Variants in RNFT2 observed in about 807,000 individuals in gnomAD.
RNFT2 encodes ring finger protein, transmembrane 2, also known as E3 ubiquitin-protein ligase RNFT2.
RNFT2 carries 36 observed loss-of-function variants against 53.0 expected under a neutral mutation model. That is an observed-to-expected ratio of 0.68 (90% confidence interval 0.52 to 0.90). The LOEUF is 0.90. RNFT2 is among the 40% of genes least tolerant of loss of function. RNFT2 has a pLI of 0.00. For missense variants in RNFT2, 514 were observed against 585.6 expected (o/e 0.88, Z 1.26); for synonymous variants, 260 against 253.2 (o/e 1.03, Z -0.26).
At chr12:116,740,604 T>C in intron 2 of RNFT2, 83 bp downstream of exon 2, 1 of 1,235,346 alleles carries the variant, frequency 8.1e-7, no homozygotes, top group Non-Finnish European at 1.2e-6. Flanking sequence ...GTTTGACCAC[T>C]CCACCCCTCC....
At chr12:116,803,022 G>C (rs1011925457) in intron 7 of RNFT2, among the ~76,000 whole-genome samples, 5 of 152,110 alleles carry the variant, frequency 3.3e-5, no homozygotes, top group Admixed American at 1.3e-4. Flanking sequence ...TTGAGCCTGG[G>C]AGGCAGAGGA....
chr12:116,748,216 G>T (rs1872004407), intron 3 of RNFT2, among the ~76,000 whole-genome samples: 3 of 151,940 alleles, frequency 2.0e-5, no homozygotes, highest in African/African-American at 4.8e-5. Flanking sequence ...AAGAAAAGAG[G>T]ATGAACCCGA....
chr12:116,788,686 G>A (rs547719822), intron 7 of RNFT2, among the ~76,000 whole-genome samples: 6 of 152,258 alleles, frequency 3.9e-5, no homozygotes, highest in African/African-American at 1.2e-4. Context: ...TATCTGCTGT[G>A]TATCCAGAAG....
Position 116,852,821 on chromosome 12 carries a change from C to T in RNFT2, c.*3373C>T, listed in dbSNP as rs968985245. On this transcript the variant is annotated 3_prime_UTR_variant, in exon 11 of 11. Transcript: ENST00000257575. ...TGTAGCCATCTCCAGGGTGACGGAA[C>T]CCAGTGTATTACCTGCTGGAACCAA... 2.8e-5 allele frequency: 30 copies of T among 1,065,338 alleles called. No homozygotes were observed. The highest frequency in any genetic ancestry group is 4.2e-5 in the Non-Finnish European group (29 of 694,012). The allele number at this position is 1,065,338 out of a possible 1,614,324, so 66.0% of individuals were successfully genotyped here.
At chr12:116,838,881 T>C (rs1877110132) in intron 10 of RNFT2, among the ~76,000 whole-genome samples, 1 of 152,244 alleles carries the variant, frequency 6.6e-6, no homozygotes, top group South Asian at 2.1e-4. Context: ...TACCCAGTGC[T>C]GGTTGAAGAC....
chr12:116,814,206 C>A (rs1875524415), intron 7 of RNFT2, among the ~76,000 whole-genome samples: 1 of 152,274 alleles, frequency 6.6e-6, no homozygotes, highest in Middle Eastern at 3.4e-3. Context: ...TTTCTTCATC[C>A]ACTGAACCAG....
intron 7 of RNFT2, among the ~76,000 whole-genome samples, chr12:116,824,725 A>G (rs1213324300): frequency 3.3e-5 from 5 of 152,196 alleles, no homozygotes; most frequent in Admixed American, 2.0e-4. Flanking sequence ...TGTGTCCTCA[A>G]GTGGCAGAGA....
intron 3 of RNFT2, among the ~76,000 whole-genome samples, chr12:116,743,224 AAAAAAAAAAAAAAAAAAAAAC>A (rs1871710664): frequency 1.9e-5 from 2 of 107,662 alleles, no homozygotes; most frequent in East Asian, 2.7e-4. Context: ...AAAAAAAAAA[AAAAAAAAAAAAAAAAAAAAAC>A]CGGTTAAAAA....
chr12:116,746,418 G>A (rs921133983), intron 3 of RNFT2, among the ~76,000 whole-genome samples: 5 of 151,696 alleles, frequency 3.3e-5, no homozygotes, highest in Admixed American at 1.3e-4. Flanking sequence ...GAAAGATGAG[G>A]AATAAAATAA....
At chr12:116,780,562 C>A (rs1301233422) in intron 7 of RNFT2, among the ~76,000 whole-genome samples, 2 of 151,944 alleles carry the variant, frequency 1.3e-5, no homozygotes, top group Non-Finnish European at 2.9e-5. Flanking sequence ...GCCCCAGGAC[C>A]CCTGGTTTCT....
rs751526711 is a variant in RNFT2 at position 116,779,315 on chromosome 12, C to T, written c.849C>T (p.Ala283=). ...ITIALKCLIV[A]LPKIILAVKS... is the part of the protein sequence containing the mutation. Reference sequence around the variant, plus strand: ...TCGCCCTCAAGTGCCTCATCGTGGCCCTGCCCAAGATCATCCTGGCTGTCA... The same window carrying T: ...TCGCCCTCAAGTGCCTCATCGTGGCTCTGCCCAAGATCATCCTGGCTGTCA... Residue 283 remains alanine (A), a synonymous_variant, in exon 7 of 11, where the codon GCC becomes GCT. Transcript: ENST00000257575. The T allele has an allele frequency of 6.2e-7, 1 of 1,613,956 alleles. No individual in the cohort carries two copies.
intron 7 of RNFT2, among the ~76,000 whole-genome samples, chr12:116,821,888 G>A (rs1876057671): frequency 7.5e-6 from 1 of 133,766 alleles, no homozygotes; most frequent in Admixed American, 8.7e-5. Flanking sequence ...TGCATGGAGT[G>A]CAGTGGCGCA....
chr12:116,777,715 C>G (rs186763097), intron 6 of RNFT2, among the ~76,000 whole-genome samples: 1 of 152,300 alleles, frequency 6.6e-6, no homozygotes, highest in East Asian at 1.9e-4. Flanking sequence ...GGTCTGTAAT[C>G]TGTCCATTAT....
intron 7 of RNFT2, among the ~76,000 whole-genome samples, chr12:116,815,578 G>C (rs960026633): frequency 6.6e-6 from 1 of 152,028 alleles, no homozygotes; most frequent in African/African-American, 2.4e-5. Flanking sequence ...CCTTCAACCT[G>C]ACCCTCTTGC....
chr12:116,831,109 C>A (rs1287156235), intron 7 of RNFT2, among the ~76,000 whole-genome samples: 2 of 151,142 alleles, frequency 1.3e-5, no homozygotes, highest in Admixed American at 6.6e-5. Context: ...CCTATAATCC[C>A]AGCACTTTGG....
chr12:116,832,702 A>G (rs907699238), intron 7 of RNFT2, among the ~76,000 whole-genome samples: 1 of 152,174 alleles, frequency 6.6e-6, no homozygotes, highest in African/African-American at 2.4e-5. Context: ...GTCCAAGGTC[A>G]AGGGGAGGAA....
At chr12:116,781,369 G>A (rs915192007) in intron 7 of RNFT2, among the ~76,000 whole-genome samples, 1 of 152,168 alleles carries the variant, frequency 6.6e-6, no homozygotes, top group African/African-American at 2.4e-5. Context: ...GGAGAGAGAG[G>A]CAGAGGTATT....
At chr12:116,795,996 C>T (rs1050632515) in intron 7 of RNFT2, among the ~76,000 whole-genome samples, 2 of 152,070 alleles carry the variant, frequency 1.3e-5, no homozygotes, top group Non-Finnish European at 2.9e-5. Context: ...GAAACCTCTG[C>T]CTCCCGGGTT....
intron 5 of RNFT2, among the ~76,000 whole-genome samples, chr12:116,756,075 GA>G (rs1872498250): frequency 6.6e-6 from 1 of 151,940 alleles, no homozygotes; most frequent in East Asian, 1.9e-4. Context: ...ATGAATTTTG[GA>G]ATTTTTTTTT....
Sources: gnomAD v4.1 joint callset for allele counts (sites outside exome capture counted in the v4.1 genomes callset) on GRCh38, gnomAD v4.1.1 for gene constraint, MANE v1.5 for transcripts, NCBI Gene and HGNC (gene_info 2026-07-23, HGNC 2026-07-21) for gene names.